The following ARL15 variants were observed in gnomAD, a reference collection of about 807,000 sequenced individuals.
ARL15 encodes ARF like GTPase 15.
A neutral mutation model predicts 25.2 loss-of-function variants in ARL15; 19 were observed. The ratio of observed to expected loss-of-function variants is 0.75; its 90% CI spans 0.53 to 1.10. The LOEUF is 1.10. Among genes scored for constraint, ARL15 ranks in the 50% least tolerant of loss-of-function variants. ARL15 has a pLI of 0.00. For synonymous variants in ARL15, 94 were observed against 86.8 expected (o/e 1.08, Z -0.46); for missense variants, 220 against 246.0 (o/e 0.89, Z 0.71).
chr5:53,926,044 C>A, intron 4 of ARL15, among the ~76,000 whole-genome samples: 1 of 128,606 alleles, frequency 7.8e-6, no homozygotes, highest in African/African-American at 2.9e-5. Flanking sequence ...GAAATAAAGA[C>A]ATTTTAAAAA....
At chr5:54,277,936 A>G (rs1208808372) in intron 1 of ARL15, among the ~76,000 whole-genome samples, 1 of 152,116 alleles carries the variant, frequency 6.6e-6, no homozygotes, top group Non-Finnish European at 1.5e-5. Context: ...CCAAACAGTC[A>G]CCCCTGTGGC....
intron 1 of ARL15, among the ~76,000 whole-genome samples, chr5:54,177,698 T>C (rs1754924573): frequency 6.6e-6 from 1 of 152,188 alleles, no homozygotes; most frequent in Non-Finnish European, 1.5e-5. Context: ...TTCATTTTCC[T>C]CTATATTTCT....
chr5:54,119,350 G>A (rs1416264521), intron 3 of ARL15, among the ~76,000 whole-genome samples: 1 of 152,080 alleles, frequency 6.6e-6, no homozygotes, highest in Non-Finnish European at 1.5e-5. Context: ...CCTTCTGCAC[G>A]TTTTGATGCA....
chr5:54,089,440 C>A (rs902905965), intron 4 of ARL15, among the ~76,000 whole-genome samples: 1 of 152,096 alleles, frequency 6.6e-6, no homozygotes, highest in Non-Finnish European at 1.5e-5. Context: ...TAATCCTCCC[C>A]ATAATTATGG....
intron 4 of ARL15, among the ~76,000 whole-genome samples, chr5:53,917,419 A>C (rs1278578834): frequency 6.6e-6 from 1 of 152,218 alleles, no homozygotes; most frequent in East Asian, 1.9e-4. Flanking sequence ...TCAGAAATAG[A>C]AGCTCAAATT....
intron 4 of ARL15, among the ~76,000 whole-genome samples, chr5:54,093,383 G>A (rs979832088): frequency 6.6e-6 from 1 of 152,140 alleles, no homozygotes; most frequent in Non-Finnish European, 1.5e-5. Context: ...GACATGAACC[G>A]AGAAAACTTG....
chr5:54,235,476 G>A (rs558313625), intron 1 of ARL15, among the ~76,000 whole-genome samples: 3 of 149,188 alleles, frequency 2.0e-5, no homozygotes, highest in Admixed American at 6.7e-5. Flanking sequence ...ACATATGCAC[G>A]TTAATTCTAT....
intron 3 of ARL15, among the ~76,000 whole-genome samples, chr5:54,147,896 G>T (rs1442147120): frequency 1.3e-5 from 2 of 152,154 alleles, no homozygotes; most frequent in Non-Finnish European, 2.9e-5. Flanking sequence ...TGGCTTTGCA[G>T]TGTGGCATGA....
chr5:54,091,862 T>C (rs1016895997), intron 4 of ARL15, among the ~76,000 whole-genome samples: 1 of 151,972 alleles, frequency 6.6e-6, no homozygotes, highest in East Asian at 1.9e-4. Context: ...AGGCGTCTGA[T>C]GGGGTATACC....
chr5:54,179,137 T>A (rs796950859), intron 1 of ARL15, among the ~76,000 whole-genome samples: 15 of 152,302 alleles, frequency 9.8e-5, no homozygotes, highest in African/African-American at 3.4e-4. Flanking sequence ...TCCAAACTTC[T>A]GCAATGATAA....
At chr5:54,115,828 G>A (rs111766201) in intron 3 of ARL15, among the ~76,000 whole-genome samples, 4,353 of 152,144 alleles carry the variant, frequency 0.029, 206 homozygotes, top group African/African-American at 0.1. Context: ...TTAATATAGG[G>A]AATTCATTAC....
chr5:53,904,345 T>G (rs143721792), intron 4 of ARL15, among the ~76,000 whole-genome samples: 1 of 152,328 alleles, frequency 6.6e-6, no homozygotes, highest in East Asian at 1.9e-4. Flanking sequence ...GCAATCATAT[T>G]TATTATTAAG....
chr5:53,899,220 C>T (rs941674596), intron 4 of ARL15, among the ~76,000 whole-genome samples: 9 of 151,060 alleles, frequency 6.0e-5, no homozygotes, highest in Non-Finnish European at 1.0e-4. Context: ...TGGTGGTGCA[C>T]GCCTGTAATC....
In ARL15 at chr5:54,201,065, G is replaced by C. The variant is rs1413658722; in HGVS notation, c.49-29137C>G. 7.2e-5 allele frequency among the ~76,000 whole-genome samples: 11 copies of C among 151,890 alleles called. No individual in the cohort carries two copies. In the East Asian group the frequency reaches 1.9e-3, roughly 27 times the overall value. ...TGGGTTAGGAAAAAAAAAAAGAGTT[G>C]AGTGATTCTCATTTATCTCAATAGC... On this transcript the variant is annotated intron_variant, in intron 1 of 4. Transcript: ENST00000504924.
intron 4 of ARL15, among the ~76,000 whole-genome samples, chr5:54,082,745 G>A (rs1751842248): frequency 6.6e-6 from 1 of 152,062 alleles, no homozygotes; most frequent in Non-Finnish European, 1.5e-5. Context: ...CTTCAGCTAA[G>A]GCCTTACTTT....
At chr5:53,937,792 A>C (rs79813934) in intron 4 of ARL15, among the ~76,000 whole-genome samples, 299 of 151,730 alleles carry the variant, frequency 2.0e-3, no homozygotes, top group African/African-American at 6.8e-3. Context: ...TGATGTGCCA[A>C]ATCTATGTGA....
intron 1 of ARL15, among the ~76,000 whole-genome samples, chr5:54,176,049 C>G (rs1754862449): frequency 1.3e-5 from 2 of 152,140 alleles, no homozygotes; most frequent in South Asian, 4.1e-4. Flanking sequence ...CATGACATCT[C>G]CCCCTCCGTC....
At chr5:54,091,880 G>A (rs1752138192) in intron 4 of ARL15, among the ~76,000 whole-genome samples, 1 of 152,172 alleles carries the variant, frequency 6.6e-6, no homozygotes, top group Non-Finnish European at 1.5e-5. Context: ...ACCATAGAGG[G>A]CGGAGAGTGG....
chr5:54,079,801 C>G (rs1370411465), intron 4 of ARL15, among the ~76,000 whole-genome samples: 2 of 152,118 alleles, frequency 1.3e-5, no homozygotes, highest in African/African-American at 4.8e-5. Flanking sequence ...GAAACCCCAT[C>G]TCTACTAAAA....
Sources: gnomAD v4.1 joint callset for allele counts (sites outside exome capture counted in the v4.1 genomes callset) on GRCh38, gnomAD v4.1.1 for gene constraint, MANE v1.5 for transcripts, NCBI Gene and HGNC (gene_info 2026-07-23, HGNC 2026-07-21) for gene names.